The following PCDHGA3 variants were observed in gnomAD, a reference collection of about 807,000 sequenced individuals.
The protein encoded by PCDHGA3 is protocadherin gamma-A3.
A neutral mutation model predicts 58.5 loss-of-function variants in PCDHGA3; 40 were observed. That is an observed-to-expected ratio of 0.68 (90% confidence interval 0.53 to 0.89). The LOEUF (loss-of-function observed/expected upper bound fraction) is 0.89, where lower values mean the gene tolerates loss of function less well. PCDHGA3 is among the 40% of genes least tolerant of loss of function. The pLI, the probability that PCDHGA3 is intolerant of heterozygous loss-of-function variation, is 0.00. For missense variants in PCDHGA3, 1,223 were observed against 1,195.9 expected, an observed-to-expected ratio of 1.02 and a Z score of -0.33; for synonymous variants, 530 against 525.7, an observed-to-expected ratio of 1.01 and a Z score of -0.11.
intron 1 of PCDHGA3, chr5:141,395,097 G>C (rs376460647): frequency 1.9e-6 from 3 of 1,614,158 alleles, no homozygotes; most frequent in Non-Finnish European, 2.5e-6. Flanking sequence ...CCTCACCGCC[G>C]ACTCGCGGAA....
At chr5:141,394,395 C>A (rs1238779909) in intron 1 of PCDHGA3, 3 of 1,614,146 alleles carry the variant, frequency 1.9e-6, no homozygotes, top group African/African-American at 1.3e-5. Context: ...GATCCGAGAC[C>A]TGCAGCTACT....
chr5:141,374,282 G>C, intron 1 of PCDHGA3: 1 of 1,613,972 alleles, frequency 6.2e-7, no homozygotes, highest in Non-Finnish European at 8.5e-7. Context: ...AGTCCGCATC[G>C]TCTCCAGAGG....
intron 1 of PCDHGA3, chr5:141,421,816 C>T (rs981400135): frequency 1.2e-5 from 19 of 1,613,696 alleles, no homozygotes; most frequent in Non-Finnish European, 1.4e-5. Context: ...AGAGCTAGTA[C>T]TGGAGGGAAG....
In PCDHGA3 at chr5:141,357,420, T is replaced by G. The variant is rs754113080; in HGVS notation, c.2424+10963T>G. 1.9e-6 allele frequency: 3 copies of G among 1,614,132 alleles called. No individual in the cohort carries two copies. The highest frequency in any genetic ancestry group is 1.3e-5 in the African/African-American group (1 of 74,956). On this transcript the variant is annotated intron_variant, in intron 1 of 3. Transcript: ENST00000253812. ...TGGCAGGTGTGCCTGCCTCGCACTTTGTGGGCGTGGACGGGGTTCGGGCTT... is the reference window on the plus strand; with the variant it reads ...TGGCAGGTGTGCCTGCCTCGCACTTGGTGGGCGTGGACGGGGTTCGGGCTT...
At chr5:141,375,106 T>C in intron 1 of PCDHGA3, 1 of 1,613,952 alleles carries the variant, frequency 6.2e-7, no homozygotes, top group East Asian at 2.2e-5. Context: ...TGGATGTCAA[T>C]GATAATGTAC....
intron 1 of PCDHGA3, chr5:141,422,581 G>C: frequency 6.2e-7 from 1 of 1,613,984 alleles, no homozygotes; most frequent in Non-Finnish European, 8.5e-7. Context: ...TAACCCTCCC[G>C]TTTTTCCTCA....
chr5:141,356,897 C>T (rs1760380155), intron 1 of PCDHGA3: 1 of 1,614,116 alleles, frequency 6.2e-7, no homozygotes, highest in Non-Finnish European at 8.5e-7. Context: ...CTGTACCCCA[C>T]CTTCCCTACT....
Position 141,487,289 on chromosome 5 carries a change from G to A in PCDHGA3, c.2425-7518G>A. The A allele has an allele frequency of 1.2e-6, 2 of 1,614,096 alleles. No individual in the cohort carries two copies. The highest frequency in any genetic ancestry group is 1.7e-6 in the Non-Finnish European group (2 of 1,180,024). On this transcript the variant is annotated intron_variant, in intron 1 of 3. Coordinates refer to ENST00000253812, the MANE Select transcript of PCDHGA3 (RefSeq NM_018916.4). The surrounding 1 kb of genome is among the most constrained non-coding windows in gnomAD (Gnocchi z 5.0). ...AGTGGCAATTTGCTTTGTCTCCTTTGGCTCATTCGTGGCACTACTCTCTAA... is the reference window on the plus strand; with the variant it reads ...AGTGGCAATTTGCTTTGTCTCCTTTAGCTCATTCGTGGCACTACTCTCTAA...
intron 1 of PCDHGA3, chr5:141,478,675 G>A (rs1264846161): frequency 6.4e-7 from 1 of 1,551,574 alleles, no homozygotes; most frequent in South Asian, 1.2e-5. Context: ...ACTTTCAACT[G>A]GCCCTTCCTA....
chr5:141,382,674 C>G (rs951969894), intron 1 of PCDHGA3: 43 of 436,018 alleles, frequency 9.9e-5, no homozygotes, highest in African/African-American at 8.4e-4. Context: ...CCGCTGTTCA[C>G]CAACCAGGGA....
chr5:141,364,482 A>G, intron 1 of PCDHGA3: 1 of 1,614,024 alleles, frequency 6.2e-7, no homozygotes, highest in South Asian at 1.1e-5. Flanking sequence ...ATAGCCAAGG[A>G]CCTTGGGCTG....
At chr5:141,348,151 C>G (rs17097216) in intron 1 of PCDHGA3, among the ~76,000 whole-genome samples, 2,668 of 152,182 alleles carry the variant, frequency 0.018, 76 homozygotes, top group African/African-American at 0.062. Flanking sequence ...GAGAGTTATC[C>G]AAAATTAGAC....
intron 1 of PCDHGA3, chr5:141,392,999 C>A: frequency 6.2e-7 from 1 of 1,613,858 alleles, no homozygotes; most frequent in Non-Finnish European, 8.5e-7. Context: ...TGGCGAAGCA[C>A]GGAGTCCGTA....
chr5:141,413,397 T>A, intron 1 of PCDHGA3: 1 of 1,613,942 alleles, frequency 6.2e-7, no homozygotes, highest in Non-Finnish European at 8.5e-7. Context: ...TCTCCAGAGG[T>A]AGGACGCAGC....
chr5:141,358,345 G>A (rs568438184), intron 1 of PCDHGA3, among the ~76,000 whole-genome samples: 110 of 152,320 alleles, frequency 7.2e-4, no homozygotes, highest in African/African-American at 2.5e-3. Flanking sequence ...GATCTGGACT[G>A]AGGGTTTTTT....
intron 1 of PCDHGA3, chr5:141,379,157 G>A (rs962500873): frequency 1.3e-5 from 2 of 152,168 alleles, no homozygotes; most frequent in Non-Finnish European, 2.9e-5. Flanking sequence ...ACCTGACTTT[G>A]TCAGTCTTCT....
intron 1 of PCDHGA3, chr5:141,404,552 G>A: frequency 6.2e-7 from 1 of 1,613,826 alleles, no homozygotes; most frequent in Non-Finnish European, 8.5e-7. Context: ...GCAGGTGACG[G>A]CAAGTGACAG....
intron 1 of PCDHGA3, chr5:141,350,091 G>A: frequency 2.2e-6 from 1 of 457,656 alleles, no homozygotes; most frequent in East Asian, 3.4e-5. Flanking sequence ...AGGAGCGTCA[G>A]GCAGGGTGCC....
At chr5:141,470,139 A>AT (rs146570937) in intron 1 of PCDHGA3, among the ~76,000 whole-genome samples, 7,047 of 152,316 alleles carry the variant, frequency 0.046, 200 homozygotes, top group Middle Eastern at 0.092. Flanking sequence ...AAAAAAAAAG[A>AT]TCATAGATCA....
Sources: gnomAD v4.1 joint callset for allele counts (sites outside exome capture counted in the v4.1 genomes callset) on GRCh38, gnomAD v4.1.1 for gene constraint, Gnocchi (gnomAD v3.1) non-coding constraint, MANE v1.5 for transcripts, NCBI Gene and HGNC (gene_info 2026-07-23, HGNC 2026-07-21) for gene names.